Variants in RIN2 observed in about 807,000 individuals in gnomAD.
RIN2 encodes the protein RAB5 interacting protein 2.
In RIN2, 36 loss-of-function variants were observed where a neutral mutation model predicts 78.0. That is an observed-to-expected ratio of 0.46 (90% CI 0.35 to 0.61). The LOEUF is 0.61. Ranked by LOEUF, RIN2 falls within the 20% of genes least tolerant of loss-of-function variation. The probability of loss-of-function intolerance (pLI) is 0.00; values close to 1 mark genes in which losing one functional copy is unlikely to be tolerated. For missense variants in RIN2, 1,087 were observed against 1,159.7 expected (o/e 0.94, Z 0.91); for synonymous variants, 466 against 466.8 (o/e 1.00, Z 0.02).
chr20:19,869,046 C>A (rs985640375), intron 2 of RIN2, among the ~76,000 whole-genome samples: 75 of 139,718 alleles, frequency 5.4e-4, no homozygotes, highest in Non-Finnish European at 7.4e-4. Flanking sequence ...CACGCCACTG[C>A]ACTCCAGCCT....
At chr20:19,886,700 T>C (rs2038211401) in intron 2 of RIN2, 3 of 1,542,780 alleles carry the variant, frequency 1.9e-6, no homozygotes, top group Non-Finnish European at 2.6e-6. Flanking sequence ...AGAATCCACT[T>C]TACCCTTCAG....
chr20:19,940,099 G>A (rs902227875), intron 4 of RIN2, among the ~76,000 whole-genome samples: 4 of 152,036 alleles, frequency 2.6e-5, no homozygotes, highest in Admixed American at 6.6e-5. Flanking sequence ...CAATCCGCCC[G>A]CCTTGACCTC....
intron 6 of RIN2, among the ~76,000 whole-genome samples, chr20:19,961,704 A>G (rs895194791): frequency 1.3e-5 from 2 of 152,092 alleles, no homozygotes; most frequent in African/African-American, 4.8e-5. Context: ...AATGACCATT[A>G]ACTGAGTTAG....
intron 3 of RIN2, among the ~76,000 whole-genome samples, chr20:19,916,251 C>A (rs770216274): frequency 6.6e-6 from 1 of 152,078 alleles, no homozygotes; most frequent in Non-Finnish European, 1.5e-5. Context: ...AAAAAACAAA[C>A]AAACAAACAA....
chr20:19,865,923 C>T (rs1013564560), intron 2 of RIN2, among the ~76,000 whole-genome samples: 8 of 152,084 alleles, frequency 5.3e-5, no homozygotes, highest in African/African-American at 7.2e-5. Context: ...ACCAGTTTCA[C>T]GGAAGACAAT....
intron 3 of RIN2, among the ~76,000 whole-genome samples, chr20:19,922,570 A>G (rs1018534446): frequency 1.4e-4 from 22 of 152,310 alleles, no homozygotes; most frequent in Non-Finnish European, 2.8e-4. Context: ...CTCGTCATCA[A>G]TGCCTTGAGG....
intron 2 of RIN2, among the ~76,000 whole-genome samples, chr20:19,834,538 C>T (rs2036346621): frequency 6.6e-6 from 1 of 152,176 alleles, no homozygotes; most frequent in South Asian, 2.1e-4. Flanking sequence ...TCCTGCCCTC[C>T]CACCCCCTTA....
intron 3 of RIN2, among the ~76,000 whole-genome samples, chr20:19,898,165 A>G (rs749360230): frequency 6.6e-6 from 1 of 152,170 alleles, no homozygotes; most frequent in Non-Finnish European, 1.5e-5. Flanking sequence ...AAAGCAATGG[A>G]TCTCATGGTT....
At chr20:19,790,215 G>A (rs2034845448) in intron 1 of RIN2, among the ~76,000 whole-genome samples, 1 of 151,998 alleles carries the variant, frequency 6.6e-6, no homozygotes, top group Non-Finnish European at 1.5e-5. Flanking sequence ...GATCTCCCTA[G>A]AAACCTCAAT....
intron 5 of RIN2, among the ~76,000 whole-genome samples, chr20:19,958,483 G>C (rs566240483): frequency 6.6e-6 from 1 of 152,388 alleles, no homozygotes; most frequent in South Asian, 2.1e-4. Context: ...CCATCCACCT[G>C]CCTGATCCCT....
intron 2 of RIN2, among the ~76,000 whole-genome samples, chr20:19,823,084 GAGGAAACTAA>G (rs11468301): frequency 0.044 from 6,746 of 152,256 alleles, 234 homozygotes; most frequent in African/African-American, 0.091. Flanking sequence ...TTTTACAGAT[GAGGAAACTAA>G]AGCACAGAGT....
intron 6 of RIN2, among the ~76,000 whole-genome samples, chr20:19,961,481 A>G (rs1291972316): frequency 6.6e-6 from 1 of 152,190 alleles, no homozygotes; most frequent in African/African-American, 2.4e-5. Flanking sequence ...AAGGATCGGA[A>G]GATGGATCTG....
chr20:19,780,819 G>A (rs1451106947), intron 1 of RIN2, among the ~76,000 whole-genome samples: 1 of 152,238 alleles, frequency 6.6e-6, no homozygotes, highest in Non-Finnish European at 1.5e-5. Flanking sequence ...GAAGATTAAA[G>A]GAGCTATGCC....
At chr20:19,954,721 C>G (rs375395) in intron 4 of RIN2, among the ~76,000 whole-genome samples, 60,534 of 151,684 alleles carry the variant, frequency 0.4, 12,494 homozygotes, top group East Asian at 0.64. Context: ...CTGTGTCCCT[C>G]ACCCCTGTGC....
intron 1 of RIN2, among the ~76,000 whole-genome samples, chr20:19,792,320 C>A (rs768664667): frequency 1.3e-5 from 2 of 152,172 alleles, no homozygotes; most frequent in African/African-American, 2.4e-5. Flanking sequence ...GGAAGATATT[C>A]AAGTATATAA....
intron 2 of RIN2, among the ~76,000 whole-genome samples, chr20:19,874,631 CT>C (rs1380046153): frequency 2.0e-5 from 3 of 152,130 alleles, no homozygotes; most frequent in Non-Finnish European, 4.4e-5. Context: ...TTTCCTGTGA[CT>C]ACCTCTGAAG....
At position 19,761,284 on chromosome 20, in the gene RIN2, T is replaced by C. The variant is rs116685261; in HGVS notation, c.-163+2957T>C. On this transcript the variant is annotated intron_variant, in intron 1 of 12. Coordinates refer to ENST00000255006, the MANE Select transcript of RIN2 (RefSeq NM_018993.4). ...AAGGCGAACCTGCCCAGAGGCACAC[T>C]CCATGCAGTGTATGTACAGAGCAGG... Among the ~76,000 whole-genome samples the C allele has an allele frequency of 6.4e-3, 969 of 152,308 alleles. 7 individuals are homozygous for C. Among genetic ancestry groups the C allele is most frequent in the African/African-American group, 0.022 (918 of 41,566 alleles).
chr20:19,984,068 C>A (rs1048407211), intron 9 of RIN2, among the ~76,000 whole-genome samples: 1 of 147,434 alleles, frequency 6.8e-6, no homozygotes, highest in African/African-American at 2.6e-5. Flanking sequence ...AAGCTGGAAA[C>A]CATCATTCTG....
In RIN2 at chr20:19,974,948, C is replaced by A. The variant is rs374058245; in HGVS notation, c.923C>A (p.Pro308Gln). 9.9e-5 allele frequency: 158 copies of A among 1,603,664 alleles called. No homozygotes were observed. The highest frequency in any genetic ancestry group is 5.3e-4 in the Admixed American group (32 of 59,914). Residue 308 changes from proline to glutamine, a missense_variant, in exon 9 of 13, where the codon CCA becomes CAA. Physicochemically the swap from Pro to Gln is moderately conservative, Grantham distance 76. Around this residue, in one of 8 missense-constraint regions of RIN2, gnomAD observed 706 missense variants for 667.5 expected, o/e 1.06. Transcript: ENST00000255006. The part of the protein sequence containing the change: ...ANGTERTRSP[P>Q]PRPPPPAINS... ...GGCACGGAGCGGACTCGGTCCCCCC[C>A]ACCCAGGCCCCCGCCACCCGCTATT...
Sources: gnomAD v4.1 joint callset for allele counts (sites outside exome capture counted in the v4.1 genomes callset) on GRCh38, gnomAD v4.1.1 for gene constraint, gnomAD v4.1.1 regional missense constraint, MANE v1.5 for transcripts, NCBI Gene and HGNC (gene_info 2026-07-23, HGNC 2026-07-21) for gene names.